The following ASAH2 variants were observed in gnomAD, a reference collection of about 807,000 sequenced individuals.
ASAH2 encodes N-acylsphingosine amidohydrolase 2, also known as neutral ceramidase.
Under a neutral mutation model 82.9 loss-of-function variants are expected in ASAH2, and 58 were observed. The ratio of observed to expected loss-of-function variants is 0.70; its 90% CI spans 0.57 to 0.87. The LOEUF (loss-of-function observed/expected upper bound fraction) is 0.87, where lower values mean the gene tolerates loss of function less well. Ranked by LOEUF, ASAH2 falls within the 40% of genes least tolerant of loss-of-function variation. ASAH2 has a pLI of 0.00. For missense variants in ASAH2, 779 were observed against 834.0 expected (o/e 0.93, Z 0.81); for synonymous variants, 276 against 289.7 (o/e 0.95, Z 0.48).
At chr10:50,200,315 T>A (rs1404647514) in intron 16 of ASAH2, among the ~76,000 whole-genome samples, 42 of 151,236 alleles carry the variant, frequency 2.8e-4, no homozygotes, top group East Asian at 9.8e-4. Context: ...TGCAAGACTA[T>A]CCATCAGCTA....
chr10:50,231,357 C>A (rs940528115), intron 7 of ASAH2, among the ~76,000 whole-genome samples: 1 of 152,148 alleles, frequency 6.6e-6, no homozygotes, highest in Non-Finnish European at 1.5e-5. Context: ...AATCCCATGA[C>A]TCCTTGAAGG....
intron 1 of ASAH2, among the ~76,000 whole-genome samples, 21 bp downstream of exon 1, chr10:50,251,374 A>G (rs1227278225): frequency 1.3e-5 from 2 of 152,218 alleles, no homozygotes; most frequent in African/African-American, 4.8e-5. Flanking sequence ...TCCTTCCCCA[A>G]GAAAACATAG....
intron 5 of ASAH2, among the ~76,000 whole-genome samples, chr10:50,235,125 T>G (rs994159898): frequency 3.3e-5 from 5 of 152,162 alleles, no homozygotes; most frequent in Non-Finnish European, 7.4e-5. Flanking sequence ...TTTTTAGCAT[T>G]TTTTATGTAA....
At chr10:50,198,252 T>C (rs1438896144) in intron 17 of ASAH2, 1 of 149,846 alleles carries the variant, frequency 6.7e-6, no homozygotes, top group Non-Finnish European at 1.5e-5. Flanking sequence ...TATTATTATA[T>C]AAGGGGCTGC....
intron 13 of ASAH2, 94 bp downstream of exon 13, chr10:50,205,888 C>A: frequency 9.7e-7 from 1 of 1,029,938 alleles, no homozygotes; most frequent in Non-Finnish European, 1.5e-6. Context: ...TAAGACTTCC[C>A]ATCTCAGTAG....
At chr10:50,230,991 T>G (rs1846006860) in intron 7 of ASAH2, among the ~76,000 whole-genome samples, 1 of 149,644 alleles carries the variant, frequency 6.7e-6, no homozygotes, top group Non-Finnish European at 1.5e-5. Flanking sequence ...CAGTGAGCTA[T>G]GATCACGCCA....
At chr10:50,202,784 T>C (rs1845187691) in intron 16 of ASAH2, 45 bp downstream of exon 16, 27 of 1,261,920 alleles carry the variant, frequency 2.1e-5, no homozygotes, top group South Asian at 1.9e-4. Flanking sequence ...CAATAGTCTT[T>C]ACTGGGGTAT....
At chr10:50,237,657 G>A (rs1846194338) in intron 4 of ASAH2, among the ~76,000 whole-genome samples, 1 of 152,212 alleles carries the variant, frequency 6.6e-6, no homozygotes, top group African/African-American at 2.4e-5. Flanking sequence ...CATGACTAAT[G>A]TCTTCATATG....
intron 12 of ASAH2, among the ~76,000 whole-genome samples, chr10:50,208,385 G>A (rs1289496494): frequency 6.6e-6 from 1 of 151,920 alleles, no homozygotes; most frequent in Non-Finnish European, 1.5e-5. Context: ...ATTTTAAGAT[G>A]ACATGATCTT....
chr10:50,217,849 G>A (rs1845646099), intron 8 of ASAH2, among the ~76,000 whole-genome samples: 1 of 152,152 alleles, frequency 6.6e-6, no homozygotes, highest in Non-Finnish European at 1.5e-5. Context: ...TTTGGGCCTG[G>A]AGCAGTGGCT....
chr10:50,233,809 T>C (rs1259337879), intron 6 of ASAH2, among the ~76,000 whole-genome samples: 3 of 152,242 alleles, frequency 2.0e-5, no homozygotes, highest in East Asian at 3.9e-4. Flanking sequence ...AACCAAGCAC[T>C]TCTCTTCTGT....
intron 7 of ASAH2, among the ~76,000 whole-genome samples, chr10:50,230,409 A>C (rs1356605700): frequency 1.3e-5 from 2 of 152,052 alleles, no homozygotes; most frequent in African/African-American, 2.4e-5. Context: ...ACACCTTGGG[A>C]TTCTGTCTAA....
chr10:50,238,902 A>G (rs1310859309), intron 4 of ASAH2, among the ~76,000 whole-genome samples: 1 of 152,198 alleles, frequency 6.6e-6, no homozygotes, highest in Non-Finnish European at 1.5e-5. Context: ...GACATATGGG[A>G]CTTCTAGCGG....
chr10:50,200,904 G>A (rs999419922), intron 16 of ASAH2, among the ~76,000 whole-genome samples: 11 of 152,086 alleles, frequency 7.2e-5, no homozygotes, highest in Non-Finnish European at 1.3e-4. Flanking sequence ...ACAAGAACAA[G>A]CATTTCTGCT....
At chr10:50,235,631 G>C (rs1846139243) in intron 5 of ASAH2, among the ~76,000 whole-genome samples, 1 of 152,084 alleles carries the variant, frequency 6.6e-6, no homozygotes, top group Non-Finnish European at 1.5e-5. Context: ...AAACCAAAAT[G>C]TTTTCTGTCT....
At chr10:50,234,357 T>A (rs1846092882) in intron 6 of ASAH2, 68 bp downstream of exon 6, 12 of 1,604,916 alleles carry the variant, frequency 7.5e-6, no homozygotes, top group Non-Finnish European at 9.4e-6. Context: ...GTAACAGCCC[T>A]GTACTTAGAT....
intron 12 of ASAH2, among the ~76,000 whole-genome samples, chr10:50,206,537 T>TACAC (rs544968746): frequency 0.14 from 18,291 of 130,610 alleles, 1,535 homozygotes; most frequent in Admixed American, 0.27. Flanking sequence ...TTTAGTTATC[T>TACAC]ACACACACAC....
Position 50,235,899 on chromosome 10 carries a change from C to A in ASAH2, c.676G>T (p.Gly226Cys). 6.2e-7 allele frequency: 1 copy of A among 1,613,188 alleles called. No homozygotes were observed. Among genetic ancestry groups the A allele is most frequent in the Non-Finnish European group, 8.5e-7 (1 of 1,179,328 alleles). The change falls in exon 5 of 21, where the codon GGT (glycine) becomes TGT (cysteine). Residue 226 changes from glycine (G) to cysteine (C), a missense_variant. Gly to Cys is a radical substitution (Grantham distance 159). Transcript: ENST00000682911. ...GGCTCTTTGCCTACCTTCAAGATAC[C>A]AGTGACCATGTGCTGAAAAGTTTGA... ...SNQTFQHMVT[G>C]ILKSIDIAHT...
chr10:50,198,853 TTTTA>T (rs1845063021), intron 17 of ASAH2, among the ~76,000 whole-genome samples, 194 bp downstream of exon 17: 1 of 151,998 alleles, frequency 6.6e-6, no homozygotes, highest in Admixed American at 6.6e-5. Context: ...TGGAAATAAA[TTTTA>T]TTTATTTTCT....
Sources: gnomAD v4.1 joint callset for allele counts (sites outside exome capture counted in the v4.1 genomes callset) on GRCh38, gnomAD v4.1.1 for gene constraint, MANE v1.5 for transcripts, NCBI Gene and HGNC (gene_info 2026-07-23, HGNC 2026-07-21) for gene names.